The following AIMP2 variants were observed in gnomAD, a reference collection of about 807,000 sequenced individuals.
AIMP2 encodes the protein aminoacyl tRNA synthetase complex interacting multifunctional protein 2.
A neutral mutation model predicts 23.4 loss-of-function variants in AIMP2; 20 were observed. That is an observed-to-expected ratio of 0.85 (90% CI 0.60 to 1.24). AIMP2 has a LOEUF of 1.24. AIMP2 is among the 50% of genes most tolerant of loss of function. AIMP2 has a pLI of 0.00. For synonymous variants in AIMP2, 210 were observed against 170.4 expected, an observed-to-expected ratio of 1.23 and a Z score of -1.81; for missense variants, 515 against 414.5, an observed-to-expected ratio of 1.24 and a Z score of -2.10.
intron 3 of AIMP2, among the ~76,000 whole-genome samples, chr7:6,018,963 A>C (rs1484153333): frequency 8.2e-6 from 1 of 121,556 alleles, no homozygotes; most frequent in South Asian, 3.1e-4. Context: ...AAATGTATCA[A>C]ACCTTACACA....
intron 3 of AIMP2, chr7:6,022,135 G>C (rs911158542): frequency 6.6e-6 from 1 of 152,176 alleles, no homozygotes; most frequent in Non-Finnish European, 1.5e-5. Flanking sequence ...GAGTGCAGTG[G>C]TGCGATCATA....
intron 3 of AIMP2, among the ~76,000 whole-genome samples, chr7:6,021,746 G>C (rs1468973227): frequency 6.6e-6 from 1 of 152,148 alleles, no homozygotes; most frequent in Non-Finnish European, 1.5e-5. Context: ...TCTGGGAGAA[G>C]GCTTCTGATT....
At chr7:6,013,016 A>G in intron 1 of AIMP2, 1 of 952,138 alleles carries the variant, frequency 1.1e-6, no homozygotes, top group Non-Finnish European at 1.3e-6. Flanking sequence ...ACAAGAGAAG[A>G]AGGAAGAGTG....
At chr7:6,014,998 G>T (rs570728566) in intron 1 of AIMP2, 148 bp from the exon 2 acceptor site, 2 of 1,495,338 alleles carry the variant, frequency 1.3e-6, no homozygotes, top group African/African-American at 2.8e-5. Context: ...GGGATTACAG[G>T]CGTGAGCCAC....
At chr7:6,017,398 C>T (rs1787088285) in intron 2 of AIMP2, among the ~76,000 whole-genome samples, 1 of 151,826 alleles carries the variant, frequency 6.6e-6, no homozygotes, top group Non-Finnish European at 1.5e-5. Flanking sequence ...TGACAGGCAC[C>T]TGTAGTCCCA....
chr7:6,020,020 C>CAAA (rs35319543), intron 3 of AIMP2, among the ~76,000 whole-genome samples: 65 of 80,568 alleles, frequency 8.1e-4, no homozygotes, highest in South Asian at 2.6e-3. Context: ...GACTCCATCT[C>CAAA]AAAAAAAAAA....
chr7:6,009,654 TAA>T (rs1240876899), intron 1 of AIMP2, among the ~76,000 whole-genome samples, 156 bp downstream of exon 1: 1 of 151,946 alleles, frequency 6.6e-6, no homozygotes, highest in Non-Finnish European at 1.5e-5. Flanking sequence ...TTTTATGTTT[TAA>T]AAGATTTATC....
At position 6,017,820 on chromosome 7, in the gene AIMP2, G is replaced by C; in HGVS notation, c.349G>C (p.Gly117Arg). The C allele has an allele frequency of 6.2e-7, 1 of 1,613,222 alleles. No homozygotes were observed. The highest frequency in any genetic ancestry group is 8.5e-7 in the Non-Finnish European group (1 of 1,179,536). ...TGTCTTGGTCTTTCCCCAGGATTAC[G>C]GGGCGCTGAAAGACATCGTGATCAA... ...DLNSVLGKDYGALKDIVINAN... is the reference protein window; with the variant it reads ...DLNSVLGKDYRALKDIVINAN... The change falls in exon 3 of 4, where the codon GGG (glycine) becomes CGG (arginine). Residue 117 changes from glycine (G) to arginine (R), a missense_variant. Gly to Arg is a moderately radical substitution (Grantham distance 125). Transcript: ENST00000223029.
chr7:6,018,094 A>G, intron 3 of AIMP2, 49 bp downstream of exon 3: 8 of 1,444,682 alleles, frequency 5.5e-6, no homozygotes, highest in Non-Finnish European at 7.6e-6. Context: ...CCCCTTGAAC[A>G]CCATGAGTTT....
intron 1 of AIMP2, among the ~76,000 whole-genome samples, chr7:6,013,655 G>A (rs1860460): frequency 0.65 from 99,109 of 152,000 alleles, 33,083 homozygotes; most frequent in East Asian, 0.89. Context: ...GCTAGGTGAA[G>A]AATGGTGGCC....
At chr7:6,013,138 G>A (rs539744882) in intron 1 of AIMP2, 6 of 226,964 alleles carry the variant, frequency 2.6e-5, no homozygotes, top group South Asian at 3.2e-4. Context: ...GAAATTGGGT[G>A]AGGTAAGGTA....
chr7:6,021,559 T>C (rs1428929408), intron 3 of AIMP2, among the ~76,000 whole-genome samples: 1 of 151,780 alleles, frequency 6.6e-6, no homozygotes, highest in Non-Finnish European at 1.5e-5. Context: ...GGGGCAAAAG[T>C]GGGTGGTGAA....
In AIMP2 at chr7:6,009,509, G is replaced by T. The variant is rs750066868; in HGVS notation, c.135+11G>T. 1.3e-5 allele frequency: 19 copies of T among 1,502,658 alleles called. No individual in the cohort carries two copies. The African/African-American group carries it at 1.9e-4, about 15-fold the overall frequency. The allele number at this position is 1,502,658 out of a possible 1,614,324, so 93.1% of individuals were successfully genotyped here. A position where few individuals can be genotyped will look rare whatever the true frequency, so the allele number is the denominator to read the frequency against. The stretch of plus-strand genomic sequence containing the variant: ...GCTGGCCACGTGCAGGTAGGAGCGC[G>T]GGGCCCCCCGCCCAGTGCGCACGCG... On this transcript the variant is annotated intron_variant, in intron 1 of 3. Coordinates refer to ENST00000223029, the MANE Select transcript of AIMP2 (RefSeq NM_006303.4).
chr7:6,021,706 C>T lies in AIMP2; in HGVS notation c.575-1597C>T, dbSNP rs761471126. Among the ~76,000 whole-genome samples the T allele has an allele frequency of 7.2e-5, 11 of 152,082 alleles. No homozygotes were observed. In the East Asian group the frequency reaches 7.7e-4, roughly 11 times the overall value. ...TTGAGGAAGAAGACCTAGGAGAAGC[C>T]GGGCTGGAAAACAGATTTCCATTAG... On this transcript the variant is annotated intron_variant, in intron 3 of 3. Coordinates refer to ENST00000223029, the MANE Select transcript of AIMP2 (RefSeq NM_006303.4).
At chr7:6,020,383 T>C (rs78344904) in intron 3 of AIMP2, among the ~76,000 whole-genome samples, 2 of 152,112 alleles carry the variant, frequency 1.3e-5, no homozygotes, top group East Asian at 3.9e-4. Flanking sequence ...ATCACACCAC[T>C]ATACTCCAGC....
chr7:6,020,454 G>C (rs940033549), intron 3 of AIMP2, among the ~76,000 whole-genome samples: 2 of 152,136 alleles, frequency 1.3e-5, no homozygotes, highest in Non-Finnish European at 2.9e-5. Context: ...GCTTTTATGT[G>C]GGGTGCAGGA....
rs139169806 is a variant in AIMP2, at chr7:6,012,848, A to G, written c.136-2298A>G. Reference sequence around the variant, plus strand: ...ATTACAGGTATCAGCCACTGTGCCTAGCCAGCACTCAATAATTTAATTGGC... The same window carrying G: ...ATTACAGGTATCAGCCACTGTGCCTGGCCAGCACTCAATAATTTAATTGGC... On this transcript the variant is annotated intron_variant, in intron 1 of 3. Coordinates refer to ENST00000223029, the MANE Select transcript of AIMP2 (RefSeq NM_006303.4). 4.9e-4 allele frequency: 485 copies of G among 998,836 alleles called. 2 individuals are homozygous for G. The African/African-American group carries it at 7.4e-3, about 15-fold the overall frequency. 61.9% of individuals were successfully genotyped at this position (998,836 alleles called of 1,614,324 possible).
intron 1 of AIMP2, among the ~76,000 whole-genome samples, chr7:6,010,041 G>C (rs1786520575): frequency 7.0e-6 from 1 of 142,830 alleles, no homozygotes; most frequent in Admixed American, 7.2e-5. Context: ...TGGAGTCTCA[G>C]CGCTTTGGGA....
Position 6,015,002 on chromosome 7 carries a change from G to C in AIMP2, c.136-144G>C. The C allele has an allele frequency of 4.0e-6, 6 of 1,506,700 alleles. No homozygotes were observed. The African/African-American group carries it at 4.1e-5, about 10-fold the overall frequency. 93.3% of individuals were successfully genotyped at this position (1,506,700 alleles called of 1,614,324 possible). ...CCCGAAGTGCTGGGATTACAGGCGT[G>C]AGCCACCACACCCAGCCCATAATGT... On this transcript the variant is annotated intron_variant, in intron 1 of 3. Coordinates refer to ENST00000223029, the MANE Select transcript of AIMP2 (RefSeq NM_006303.4).
Sources: gnomAD v4.1 joint callset for allele counts (sites outside exome capture counted in the v4.1 genomes callset) on GRCh38, gnomAD v4.1.1 for gene constraint, MANE v1.5 for transcripts, NCBI Gene and HGNC (gene_info 2026-07-23, HGNC 2026-07-21) for gene names.